Variants in MCC observed in about 807,000 individuals in gnomAD.
MCC encodes MCC regulator of Wnt signaling pathway.
A neutral mutation model predicts 116.2 loss-of-function variants in MCC; 90 were observed. The ratio of observed to expected loss-of-function variants is 0.77; its 90% CI spans 0.65 to 0.92. The LOEUF is 0.92. MCC is among the 40% of genes least tolerant of loss of function. The probability of loss-of-function intolerance (pLI) is 0.00; values close to 1 mark genes in which losing one functional copy is unlikely to be tolerated. For missense variants in MCC, 1,516 were observed against 1,312.2 expected (o/e 1.16, Z -2.40); for synonymous variants, 578 against 510.5 (o/e 1.13, Z -1.78).
chr5:113,245,499 C>G (rs1581310463), intron 3 of MCC, among the ~76,000 whole-genome samples: 1 of 152,014 alleles, frequency 6.6e-6, no homozygotes, highest in East Asian at 1.9e-4. Flanking sequence ...GAATTTAGTC[C>G]TTGCCACAAC....
At chr5:113,198,746 A>T (rs1268439135) in intron 3 of MCC, among the ~76,000 whole-genome samples, 1 of 151,636 alleles carries the variant, frequency 6.6e-6, no homozygotes. Flanking sequence ...GTATAGATGT[A>T]ACAAAACTAC....
At chr5:113,376,221 C>T (rs1038713922) in intron 2 of MCC, among the ~76,000 whole-genome samples, 3 of 152,156 alleles carry the variant, frequency 2.0e-5, no homozygotes, top group Admixed American at 1.3e-4. Context: ...CAGGTTCATG[C>T]TTTGAAGACT....
rs1335577992 is a variant in MCC, at chr5:113,023,615, T to TGCTGAATCTAGAAGTAG, written c.*3670_*3686dup. The TGCTGAATCTAGAAGTAG allele has an allele frequency of 6.6e-6, 1 of 152,250 alleles. No individual in the cohort carries two copies. Among genetic ancestry groups the TGCTGAATCTAGAAGTAG allele is most frequent in the Non-Finnish European group, 1.5e-5 (1 of 68,042 alleles). The allele number at this position is 152,250 out of a possible 1,614,324, so 9.4% of individuals were successfully genotyped here. The stretch of plus-strand genomic sequence containing the variant: ...AAATACTCTAACTAGTAGCTCTGTT[T>TGCTGAATCTAGAAGTAG]GCTGAATCTAGAAGTAGGTAGAGCT... On this transcript the variant is annotated 3_prime_UTR_variant, in exon 19 of 19. Coordinates refer to ENST00000408903, the MANE Select transcript of MCC (RefSeq NM_001085377.2).
intron 3 of MCC, among the ~76,000 whole-genome samples, chr5:113,226,533 G>A (rs1332782922): frequency 6.6e-6 from 1 of 152,238 alleles, no homozygotes; most frequent in Non-Finnish European, 1.5e-5. Context: ...AATTATGTGT[G>A]TGTTTAAATG....
chr5:113,177,756 C>T (rs921703109), intron 3 of MCC, among the ~76,000 whole-genome samples: 4 of 152,000 alleles, frequency 2.6e-5, no homozygotes, highest in Admixed American at 6.6e-5. Flanking sequence ...ACATATATGG[C>T]GAATTTTGTG....
chr5:113,045,406 T>C (rs557486370), intron 16 of MCC, among the ~76,000 whole-genome samples: 1 of 152,298 alleles, frequency 6.6e-6, no homozygotes, highest in Non-Finnish European at 1.5e-5. Context: ...AGGATAAGAA[T>C]GGTTTTCCTA....
intron 3 of MCC, among the ~76,000 whole-genome samples, chr5:113,200,766 T>C (rs1762638325): frequency 1.3e-5 from 2 of 152,194 alleles, no homozygotes; most frequent in South Asian, 4.1e-4. Context: ...ATAGGGGGAT[T>C]TGAAACCAGA....
chr5:113,082,835 T>A, intron 11 of MCC, 25 bp downstream of exon 11: 1 of 1,610,468 alleles, frequency 6.2e-7, no homozygotes, highest in Non-Finnish European at 8.5e-7. Flanking sequence ...TGCCCCACAA[T>A]CAAATCGATA....
chr5:113,210,222 GAC>G (rs1287131225), intron 3 of MCC, among the ~76,000 whole-genome samples: 1 of 109,928 alleles, frequency 9.1e-6, no homozygotes, highest in Non-Finnish European at 2.4e-5. Flanking sequence ...CCAGAGAAGT[GAC>G]TCTAACCAGG....
intron 3 of MCC, among the ~76,000 whole-genome samples, chr5:113,310,847 C>A (rs1767120075): frequency 1.3e-5 from 2 of 152,202 alleles, no homozygotes; most frequent in South Asian, 4.1e-4. Flanking sequence ...TCTCTGGATT[C>A]TTGAGACAAC....
chr5:113,199,088 A>T (rs1053150333), intron 3 of MCC, among the ~76,000 whole-genome samples: 8 of 152,126 alleles, frequency 5.3e-5, no homozygotes, highest in African/African-American at 1.9e-4. Flanking sequence ...GAATTGCTTG[A>T]ACCTGGGAGG....
intron 3 of MCC, among the ~76,000 whole-genome samples, chr5:113,203,489 A>C (rs1762777902): frequency 6.6e-6 from 1 of 151,838 alleles, no homozygotes; most frequent in Admixed American, 6.6e-5. Context: ...GGCCCAGACC[A>C]GATTACTCTG....
chr5:113,327,561 A>AAAAAAAAAAAT (rs1480996383), intron 3 of MCC, among the ~76,000 whole-genome samples: 3 of 80,584 alleles, frequency 3.7e-5, no homozygotes, highest in Admixed American at 1.3e-4. Flanking sequence ...AAAAAAAAAA[A>AAAAAAAAAAAT]ATATATATAT....
chr5:113,200,769 A>T (rs2150318444), intron 3 of MCC, among the ~76,000 whole-genome samples: 1 of 152,366 alleles, frequency 6.6e-6, no homozygotes, highest in African/African-American at 2.4e-5. Context: ...GGGGGATTTG[A>T]AACCAGATGG....
At chr5:113,222,279 G>C (rs1209199846) in intron 3 of MCC, among the ~76,000 whole-genome samples, 1 of 152,120 alleles carries the variant, frequency 6.6e-6, no homozygotes, top group Non-Finnish European at 1.5e-5. Flanking sequence ...ACTTTGTCAT[G>C]ATGTATTATC....
intron 3 of MCC, chr5:113,204,617 G>C (rs1299390075): frequency 6.6e-6 from 1 of 152,240 alleles, no homozygotes; most frequent in African/African-American, 2.4e-5. Flanking sequence ...GCCAGGCAGA[G>C]AGCGAGCAGG....
In MCC at chr5:113,028,999, G is replaced by T. The variant is rs1438574513; in HGVS notation, c.2814C>A (p.Thr938=). ...GCTGATGTCGGATTTCACTGCTCTT[G>T]GTGAGTCTCTCCAAGGCACTCACCA... ...QELVSALERL[T]KSSEIRHQQS... The change falls in exon 18 of 19, where the codon ACC becomes ACA. Residue 938 remains threonine, a synonymous_variant. Coordinates refer to ENST00000408903, the MANE Select transcript of MCC (RefSeq NM_001085377.2). 6.2e-7 allele frequency: 1 copy of T among 1,613,806 alleles called. No homozygotes were observed.
At chr5:113,220,884 T>C (rs1763528017) in intron 3 of MCC, among the ~76,000 whole-genome samples, 1 of 152,200 alleles carries the variant, frequency 6.6e-6, no homozygotes, top group Non-Finnish European at 1.5e-5. Context: ...TGAACACTTT[T>C]AGTTGGCACC....
chr5:113,381,909 C>G (rs185305913), intron 2 of MCC, among the ~76,000 whole-genome samples: 1 of 152,178 alleles, frequency 6.6e-6, no homozygotes, highest in African/African-American at 2.4e-5. Flanking sequence ...AAATGGTAAA[C>G]AGGAGAACAT....
Sources: allele counts gnomAD v4.1 joint callset (sites outside exome capture counted in the v4.1 genomes callset), GRCh38; gene constraint gnomAD v4.1.1; transcripts MANE v1.5; gene names NCBI Gene and HGNC (gene_info 2026-07-23, HGNC 2026-07-21).